SNRPA: variants seen among roughly 807,000 people sequenced by gnomAD.
The protein encoded by SNRPA is small nuclear ribonucleoprotein polypeptide A, also known as U1 small nuclear ribonucleoprotein A.
Under a neutral mutation model 24.5 loss-of-function variants are expected in SNRPA, and 10 were observed. The observed-to-expected ratio is 0.41, with a 90% CI of 0.25 to 0.69. SNRPA has a LOEUF of 0.69. Ranked by LOEUF, SNRPA falls within the 30% of genes least tolerant of loss-of-function variation. The probability of loss-of-function intolerance (pLI) is 0.33; values close to 1 mark genes in which losing one functional copy is unlikely to be tolerated. For missense variants in SNRPA, 283 were observed against 394.7 expected (o/e 0.72, Z 2.40); for synonymous variants, 165 against 148.4 (o/e 1.11, Z -0.81).
intron 5 of SNRPA, 25 bp downstream of exon 5, chr19:40,763,700 G>T (rs761915172): frequency 1.3e-6 from 2 of 1,586,398 alleles, no homozygotes; most frequent in Non-Finnish European, 1.7e-6. Context: ...TGGCTGGGTG[G>T]TCCCTGGAGG....
At chr19:40,753,979 A>G (rs1199074645) in intron 1 of SNRPA, among the ~76,000 whole-genome samples, 1 of 148,304 alleles carries the variant, frequency 6.7e-6, no homozygotes, top group East Asian at 2.0e-4. Context: ...TTTTTTGTAT[A>G]TTTAGTAGAG....
chr19:40,751,699 A>T (rs1568482216), intron 1 of SNRPA: 3 of 544,960 alleles, frequency 5.5e-6, no homozygotes, highest in Non-Finnish European at 1.0e-5. Context: ...ACAAGGTTTG[A>T]GGTCACAGGA....
At position 40,762,500 on chromosome 19, in the gene SNRPA, A is replaced by G. The variant is rs548714660; in HGVS notation, c.427-401A>G. ...CCAAAGTGTTAGGATTATAGGCGTG[A>G]GCCATCGTGCCCGGCCTACCACACA... On this transcript the variant is annotated intron_variant, in intron 3 of 5. Transcript: ENST00000243563. 1.5e-3 allele frequency among the ~76,000 whole-genome samples: 229 copies of G among 150,246 alleles called. 1 individual carries two copies. Among genetic ancestry groups the G allele is most frequent in the African/African-American group, 5.4e-3 (222 of 40,830 alleles).
At chr19:40,759,349 C>T in intron 2 of SNRPA, 82 bp from the exon 3 acceptor site, 2 of 1,365,902 alleles carry the variant, frequency 1.5e-6, no homozygotes, top group East Asian at 2.5e-5. Context: ...AGCACCTGGC[C>T]CCTGATAAAG....
Position 40,763,053 on chromosome 19 carries a change from A to G in SNRPA, c.579A>G (p.Gly193=). ...GAMPPQQLMP[G]QMPPAQPLSE... Reference sequence around the variant, plus strand: ...TGCCCCCGCAGCAGCTTATGCCAGGACAGATGCCCCCTGCCCAGCCTGTGA... The same window carrying G: ...TGCCCCCGCAGCAGCTTATGCCAGGGCAGATGCCCCCTGCCCAGCCTGTGA... The change falls in exon 4 of 6, where the codon GGA becomes GGG. Residue 193 remains glycine, a synonymous_variant. Transcript: ENST00000243563. 1 of 1,587,778 alleles carries G rather than the reference A, an allele frequency of 6.3e-7. No homozygotes were observed. Among genetic ancestry groups the G allele is most frequent in the Non-Finnish European group, 8.6e-7 (1 of 1,166,802 alleles).
At chr19:40,759,180 G>A (rs2082920651) in intron 2 of SNRPA, among the ~76,000 whole-genome samples, 1 of 150,326 alleles carries the variant, frequency 6.7e-6, no homozygotes, top group South Asian at 2.1e-4. Flanking sequence ...ACTCTAGCCT[G>A]GGTGACAGAG....
chr19:40,756,786 G>T (rs1022698749), intron 1 of SNRPA, among the ~76,000 whole-genome samples: 6 of 152,252 alleles, frequency 3.9e-5, no homozygotes, highest in Non-Finnish European at 5.9e-5. Context: ...AGACGTCGTG[G>T]TCAGAGGTGG....
chr19:40,765,245 A>G lies in SNRPA; in HGVS notation c.*78A>G, dbSNP rs1434782736. The G allele has an allele frequency of 9.3e-7, 1 of 1,071,772 alleles. No homozygotes were observed. The allele number at this position is 1,071,772 out of a possible 1,614,324, so 66.4% of individuals were successfully genotyped here. ...CCCCTTGGCTCAGCCCCCTGAAGGT[A>G]AGTCCCCCCTTGGGGGCCTTCTTGG... On this transcript the variant is annotated 3_prime_UTR_variant, in exon 6 of 6. Coordinates refer to ENST00000243563, the MANE Select transcript of SNRPA (RefSeq NM_004596.5).
Position 40,759,504 on chromosome 19 carries a change from A to G in SNRPA, c.320A>G (p.Lys107Arg). The change falls in exon 3 of 6, where the codon AAG becomes AGG. Residue 107 changes from lysine (K) to arginine (R), a missense_variant. Physicochemically the swap from Lys to Arg is conservative, Grantham distance 26 (BLOSUM62 2). Transcript: ENST00000243563. ...GGCACCTTCGTGGAGCGGGACCGCA[A>G]GCGGGAGAAGAGGAAGCCCAAGAGC... ...MKGTFVERDRKREKRKPKSQE... is the reference protein window; with the variant it reads ...MKGTFVERDRRREKRKPKSQE... The G allele has an allele frequency of 6.2e-7, 1 of 1,613,992 alleles. No homozygotes were observed. Among genetic ancestry groups the G allele is most frequent in the Non-Finnish European group, 8.5e-7 (1 of 1,179,994 alleles).
chr19:40,753,382 A>ATGTTTTT (rs1390990345), intron 1 of SNRPA, among the ~76,000 whole-genome samples: 1 of 62,184 alleles, frequency 1.6e-5, no homozygotes, highest in Non-Finnish European at 3.4e-5. Flanking sequence ...AATTTTGCAT[A>ATGTTTTT]TGTTTTTTTT....
At chr19:40,761,479 T>TTTTTTTA in intron 3 of SNRPA, among the ~76,000 whole-genome samples, 1 of 115,242 alleles carries the variant, frequency 8.7e-6, no homozygotes, top group South Asian at 2.8e-4. Context: ...TTTTTTTTTT[T>TTTTTTTA]TTTTTGAGAC....
Position 40,757,312 on chromosome 19 carries a change from C to A in SNRPA, c.74-20C>A. ...CTTCTAAAAAGGGGAGCTCAAAGGT[C>A]TTTTTTTCCCCCACTGCAGAGCTAA... On this transcript the variant is annotated intron_variant, in intron 1 of 5. Transcript: ENST00000243563. 1 of 1,612,698 alleles carries A rather than the reference C, an allele frequency of 6.2e-7. No homozygotes were observed.
At chr19:40,759,380 A>G in intron 2 of SNRPA, 51 bp from the exon 3 acceptor site, 1 of 1,522,276 alleles carries the variant, frequency 6.6e-7, no homozygotes. Context: ...GAATCTTGGC[A>G]ATTGGGCTCT....
intron 5 of SNRPA, 101 bp from the exon 6 acceptor site, chr19:40,764,907 T>G: frequency 8.5e-7 from 1 of 1,169,872 alleles, no homozygotes; most frequent in Non-Finnish European, 1.2e-6. Context: ...CCCTGCCCTG[T>G]GCATTGGAGG....
At chr19:40,756,626 T>C (rs1340932885) in intron 1 of SNRPA, among the ~76,000 whole-genome samples, 3 of 146,678 alleles carry the variant, frequency 2.0e-5, no homozygotes, top group African/African-American at 7.6e-5. Flanking sequence ...TGTGGTGGAG[T>C]CTGTGCTAGG....
At chr19:40,757,953 ATAAAT>A (rs2082915501) in intron 2 of SNRPA, among the ~76,000 whole-genome samples, 1 of 150,556 alleles carries the variant, frequency 6.6e-6, no homozygotes, top group Non-Finnish European at 1.5e-5. Context: ...GAAAAAATAA[ATAAAT>A]AAATAAATAA....
At chr19:40,759,382 T>C (rs2145012223) in intron 2 of SNRPA, 49 bp from the exon 3 acceptor site, 2 of 1,525,626 alleles carry the variant, frequency 1.3e-6, no homozygotes, top group Non-Finnish European at 1.8e-6. Context: ...ATCTTGGCAA[T>C]TGGGCTCTGA....
At chr19:40,754,844 C>T (rs951541172) in intron 1 of SNRPA, among the ~76,000 whole-genome samples, 3 of 151,756 alleles carry the variant, frequency 2.0e-5, no homozygotes, top group African/African-American at 7.3e-5. Context: ...TGCGAATGGG[C>T]GAGGGGAGGC....
At chr19:40,757,611 G>A (rs1437580147) in intron 2 of SNRPA, 107 bp downstream of exon 2, 1 of 1,057,594 alleles carries the variant, frequency 9.5e-7, no homozygotes, top group Non-Finnish European at 1.4e-6. Context: ...CCAAGGTGAG[G>A]CTGGACCAGG....
Sources: allele counts gnomAD v4.1 joint callset (sites outside exome capture counted in the v4.1 genomes callset), GRCh38; gene constraint gnomAD v4.1.1; transcripts MANE v1.5; gene names NCBI Gene and HGNC (gene_info 2026-07-23, HGNC 2026-07-21).